The following ADAP2 variants were observed in gnomAD, a reference collection of about 807,000 sequenced individuals.
ADAP2 encodes the protein arf-GAP with dual PH domain-containing protein 2.
A neutral mutation model predicts 54.9 loss-of-function variants in ADAP2; 42 were observed. That is an observed-to-expected ratio of 0.77 (90% CI 0.60 to 0.99). The LOEUF (loss-of-function observed/expected upper bound fraction) is 0.99, where lower values mean the gene tolerates loss of function less well. Ranked by LOEUF, ADAP2 falls within the 50% of genes least tolerant of loss-of-function variation. The probability of loss-of-function intolerance (pLI) is 0.00; values close to 1 mark genes in which losing one functional copy is unlikely to be tolerated. For synonymous variants in ADAP2, 177 were observed against 180.1 expected, an observed-to-expected ratio of 0.98 and a Z score of 0.14; for missense variants, 429 against 480.4, an observed-to-expected ratio of 0.89 and a Z score of 1.00.
chr17:30,934,396 C>T, intron 5 of ADAP2, 99 bp downstream of exon 5: 1 of 794,842 alleles, frequency 1.3e-6, no homozygotes, highest in Non-Finnish European at 2.0e-6. Context: ...TGTAGATAAT[C>T]TCAGCCCCTG....
At chr17:30,951,891 G>A (rs1179528662) in intron 7 of ADAP2, among the ~76,000 whole-genome samples, 4 of 151,938 alleles carry the variant, frequency 2.6e-5, no homozygotes, top group East Asian at 3.9e-4. Context: ...TCCTGACCTC[G>A]TGATCCACAC....
chr17:30,951,309 GCCA>G (rs1904610479), intron 7 of ADAP2, among the ~76,000 whole-genome samples: 2 of 152,066 alleles, frequency 1.3e-5, no homozygotes, highest in East Asian at 3.9e-4. Flanking sequence ...CAGTGCTCCA[GCCA>G]TGTGACTTTC....
chr17:30,934,360 C>A, intron 5 of ADAP2, 63 bp downstream of exon 5: 2 of 1,105,468 alleles, frequency 1.8e-6, no homozygotes, highest in South Asian at 1.4e-5. Flanking sequence ...CTAAGGTCTA[C>A]ATTCTAATCA....
At chr17:30,922,329 C>T (rs1037266602) in intron 1 of ADAP2, among the ~76,000 whole-genome samples, 2 of 151,902 alleles carry the variant, frequency 1.3e-5, no homozygotes, top group Non-Finnish European at 2.9e-5. Flanking sequence ...CCAGGCTCTG[C>T]TCCCCTCGCG....
chr17:30,940,783 T>A (rs1163710840), intron 5 of ADAP2, among the ~76,000 whole-genome samples: 1 of 152,242 alleles, frequency 6.6e-6, no homozygotes, highest in African/African-American at 2.4e-5. Flanking sequence ...TGAAGTTTTC[T>A]CAGATGTTTT....
Position 30,922,026 on chromosome 17 carries a change from C to T in ADAP2, c.12C>T (p.Arg4=), listed in dbSNP as rs1015787872. The change falls in exon 1 of 11, where the codon CGC becomes CGT. Residue 4 remains arginine, a synonymous_variant. Coordinates refer to ENST00000330889, the MANE Select transcript of ADAP2 (RefSeq NM_018404.3). MGD[R]ERNKKRLLEL... is the part of the protein sequence containing the mutation. ...CCGCCGGGCCGGCCATGGGCGATCG[C>T]GAGCGCAACAAGAAGCGGCTGCTGG... 1 of 1,277,606 alleles carries T rather than the reference C, an allele frequency of 7.8e-7. No homozygotes were observed. Among genetic ancestry groups the T allele is most frequent in the Middle Eastern group, 2.5e-4 (1 of 3,994 alleles). 79.1% of individuals were successfully genotyped at this position (1,277,606 alleles called of 1,614,324 possible). A position where few individuals can be genotyped will look rare whatever the true frequency, so the allele number is the denominator to read the frequency against.
chr17:30,946,854 G>T (rs1346752601), intron 6 of ADAP2, among the ~76,000 whole-genome samples: 1 of 152,210 alleles, frequency 6.6e-6, no homozygotes, highest in Non-Finnish European at 1.5e-5. Flanking sequence ...ACACTTGGCA[G>T]CAGGAGCCAG....
chr17:30,945,206 T>C (rs1912577763), intron 6 of ADAP2, among the ~76,000 whole-genome samples, 153 bp downstream of exon 6: 1 of 152,076 alleles, frequency 6.6e-6, no homozygotes, highest in Non-Finnish European at 1.5e-5. Flanking sequence ...TGCCTCCCAG[T>C]CTGAGATAAA....
At chr17:30,935,131 C>G (rs1279134629) in intron 5 of ADAP2, among the ~76,000 whole-genome samples, 1 of 152,078 alleles carries the variant, frequency 6.6e-6, no homozygotes, top group African/African-American at 2.4e-5. Context: ...CTTTGGGAGG[C>G]CAAGGCAGGT....
chr17:30,926,676 G>A, intron 2 of ADAP2, 151 bp from the exon 3 acceptor site: 4 of 653,418 alleles, frequency 6.1e-6, no homozygotes, highest in Non-Finnish European at 8.2e-6. Context: ...TTACAGGCTG[G>A]GGCTTCCCAG....
rs1904426170 is a variant in ADAP2 at position 30,949,417 on chromosome 17, T to G, written c.741+47T>G. ...ATTTCTGAATCTCCTCTTGGCCATC[T>G]CCTTCTTTCCCTGTCTGTTGACCTC... On this transcript the variant is annotated intron_variant, in intron 7 of 10. Transcript: ENST00000330889. The G allele has an allele frequency of 2.6e-6, 4 of 1,544,656 alleles. No individual in the cohort carries two copies. The South Asian group carries it at 4.5e-5, about 17-fold the overall frequency.
intron 8 of ADAP2, 33 bp downstream of exon 8, chr17:30,953,383 TG>T: frequency 1.3e-6 from 2 of 1,597,090 alleles, no homozygotes; most frequent in Non-Finnish European, 1.7e-6. Flanking sequence ...GAACTTAATA[TG>T]GTTTAATGTA....
At chr17:30,952,374 T>TTTTTG (rs1218316070) in intron 7 of ADAP2, among the ~76,000 whole-genome samples, 7 of 152,124 alleles carry the variant, frequency 4.6e-5, no homozygotes, top group Non-Finnish European at 5.9e-5. Context: ...TTTCTTTTCT[T>TTTTTG]TTTTGTTTTG....
intron 3 of ADAP2, among the ~76,000 whole-genome samples, chr17:30,930,255 A>T (rs545056217): frequency 7.0e-4 from 106 of 150,876 alleles, no homozygotes; most frequent in African/African-American, 2.5e-3. Flanking sequence ...TATTTTTGGT[A>T]GAGCCGGGGT....
chr17:30,932,680 C>T (rs955385394), intron 4 of ADAP2, among the ~76,000 whole-genome samples: 3 of 151,106 alleles, frequency 2.0e-5, no homozygotes, highest in Non-Finnish European at 2.9e-5. Context: ...TGGGTTCCAG[C>T]GATTCTCCTG....
intron 3 of ADAP2, 61 bp from the exon 4 acceptor site, chr17:30,931,828 C>CAAAAAAA: frequency 9.7e-7 from 1 of 1,029,790 alleles, no homozygotes; most frequent in Non-Finnish European, 1.4e-6. Context: ...GACCCTGTCT[C>CAAAAAAA]AAAAAAAAAA....
chr17:30,951,979 A>G (rs1904687633), intron 7 of ADAP2, among the ~76,000 whole-genome samples: 1 of 152,006 alleles, frequency 6.6e-6, no homozygotes, highest in Non-Finnish European at 1.5e-5. Context: ...TTGGCTCACA[A>G]ATTTCCCCCT....
At chr17:30,954,046 T>C (rs1904877820) in intron 8 of ADAP2, among the ~76,000 whole-genome samples, 1 of 152,194 alleles carries the variant, frequency 6.6e-6, no homozygotes. Context: ...CAAAGGGTTG[T>C]TTTCAGAGAG....
intron 3 of ADAP2, among the ~76,000 whole-genome samples, chr17:30,927,958 G>A (rs972382550): frequency 1.3e-5 from 2 of 151,862 alleles, no homozygotes; most frequent in African/African-American, 4.8e-5. Context: ...AGCCCAGATT[G>A]CAGTGAGCTA....
Sources: allele counts gnomAD v4.1 joint callset (sites outside exome capture counted in the v4.1 genomes callset), GRCh38; gene constraint gnomAD v4.1.1; transcripts MANE v1.5; gene names NCBI Gene and HGNC (gene_info 2026-07-23, HGNC 2026-07-21).